Variants in TBX15 observed in about 807,000 individuals in gnomAD.
TBX15 encodes the protein T-box transcription factor TBX15.
A neutral mutation model predicts 53.9 loss-of-function variants in TBX15; 18 were observed. The observed-to-expected ratio is 0.33, with a 90% CI of 0.23 to 0.49. The LOEUF (loss-of-function observed/expected upper bound fraction) is 0.49. Among genes scored for constraint, TBX15 ranks in the 20% least tolerant of loss-of-function variants. TBX15 has a pLI of 0.98. For missense variants in TBX15, 692 were observed against 749.5 expected, an observed-to-expected ratio of 0.92 and a Z score of 0.90; for synonymous variants, 295 against 278.0, an observed-to-expected ratio of 1.06 and a Z score of -0.61.
intron 1 of TBX15, among the ~76,000 whole-genome samples, chr1:118,961,460 C>T (rs1656869956): frequency 6.6e-6 from 1 of 152,088 alleles, no homozygotes; most frequent in African/African-American, 2.4e-5. Context: ...GGAGAAGGAG[C>T]ATTACTCAAA....
intron 2 of TBX15, among the ~76,000 whole-genome samples, chr1:118,930,737 C>A (rs377076082): frequency 6.6e-6 from 1 of 152,172 alleles, no homozygotes; most frequent in East Asian, 1.9e-4. Flanking sequence ...TTATCTAAAT[C>A]GTTTCATTTT....
At chr1:118,902,955 G>A (rs974298107) in intron 6 of TBX15, among the ~76,000 whole-genome samples, 2 of 152,094 alleles carry the variant, frequency 1.3e-5, no homozygotes, top group Admixed American at 6.6e-5. Flanking sequence ...GCAGTCCTAG[G>A]TAATGGTATG....
At chr1:118,931,512 C>T in intron 2 of TBX15, 107 bp downstream of exon 2, 1 of 1,204,542 alleles carries the variant, frequency 8.3e-7, no homozygotes, top group Non-Finnish European at 1.2e-6. Context: ...GTGCAAGCTG[C>T]TTTGGTTTTG....
intron 6 of TBX15, among the ~76,000 whole-genome samples, chr1:118,907,770 AG>A (rs914691657): frequency 5.9e-5 from 9 of 152,280 alleles, no homozygotes; most frequent in East Asian, 3.9e-4. Flanking sequence ...CCAACCTCAA[AG>A]ACATAATTTT....
At chr1:118,970,655 G>A (rs187287853) in intron 1 of TBX15, among the ~76,000 whole-genome samples, 1 of 152,278 alleles carries the variant, frequency 6.6e-6, no homozygotes, top group East Asian at 1.9e-4. Flanking sequence ...AATTTGACAG[G>A]ACCAAAAAGC....
rs751637190 is a variant in TBX15 at position 118,931,665 on chromosome 1, G to A, written c.373C>T (p.Arg125Trp). 4.3e-6 allele frequency: 7 copies of A among 1,613,954 alleles called. No homozygotes were observed. Among genetic ancestry groups the A allele is most frequent in the Admixed American group, 3.3e-5 (2 of 59,996 alleles). Residue 125 changes from arginine to tryptophan, a missense_variant, in exon 2 of 8, where the codon CGG (arginine) becomes TGG (tryptophan). Around this residue, in one of 3 missense-constraint regions of TBX15, gnomAD observed 307 missense variants for 347.5 expected, o/e 0.88. Transcript: ENST00000369429. The part of the protein sequence containing the change: ...VELQCADLWK[R>W]FHDIGTEMII... ...ATTTCAGTTCCAATATCATGGAACC[G>A]CTTCCAGAGGTCAGCACATTGCAGC...
At chr1:118,905,695 G>C (rs1296149451) in intron 6 of TBX15, among the ~76,000 whole-genome samples, 1 of 152,208 alleles carries the variant, frequency 6.6e-6, no homozygotes, top group Admixed American at 6.5e-5. Context: ...CAAAATTTTG[G>C]GGGGCTGGTA....
chr1:118,908,892 T>C (rs1318223512), intron 6 of TBX15, among the ~76,000 whole-genome samples: 3 of 150,148 alleles, frequency 2.0e-5, no homozygotes, highest in Non-Finnish European at 4.4e-5. Context: ...CATATACAGG[T>C]TTACTTACAC....
chr1:118,977,894 A>C (rs1471883015), intron 1 of TBX15, among the ~76,000 whole-genome samples: 2 of 152,238 alleles, frequency 1.3e-5, no homozygotes, highest in African/African-American at 2.4e-5. Flanking sequence ...AGTGCTTTCC[A>C]TCAGACTCAA....
chr1:118,987,751 T>G lies in TBX15; in HGVS notation c.45A>C (p.Ala15=), dbSNP rs1012529449. 5 of 1,550,226 alleles carry G rather than the reference T, an allele frequency of 3.2e-6. No individual in the cohort carries two copies. The highest frequency in any genetic ancestry group is 3.5e-6 in the Non-Finnish European group (4 of 1,146,846). Residue 15 remains alanine, a synonymous_variant, in exon 1 of 8, where the codon GCA becomes GCC. Coordinates refer to ENST00000369429, the MANE Select transcript of TBX15 (RefSeq NM_001330677.2). ...RRSAVALSSR[A]HAFSVEALIG... is the part of the protein sequence containing the mutation. ...TCAAGGCTTCAACGGAGAAGGCATG[T>G]GCTCGCGAGCTCAGGGCGACTGCAG...
rs145938710 is a variant in TBX15, at chr1:118,885,314, G to A, written c.1227C>T (p.Ala409=). The change falls in exon 8 of 8, where the codon GCC becomes GCT. Residue 409 remains alanine, a synonymous_variant. Coordinates refer to ENST00000369429, the MANE Select transcript of TBX15 (RefSeq NM_001330677.2). ...YPPCARSNMA[A]LQSYPGLSDS... is the part of the protein sequence containing the mutation. ...CACTCAGCCCTGGGTAGCTCTGCAA[G>A]GCAGCCATGTTGCTTCGGGCACATG... is the stretch of plus-strand genomic sequence containing the variant. 272 of 1,614,140 alleles carry A rather than the reference G, an allele frequency of 1.7e-4. No homozygotes were observed. In the African/African-American group the frequency reaches 3.2e-3, roughly 19 times the overall value.
chr1:118,884,913 A>G lies in TBX15; in HGVS notation c.1628T>C (p.Leu543Pro). ...GGCCCCGTTGGAAGGAGAAGAACAG[A>G]GTAAAGTGCTTTGAGAGGCGCTCAG... The part of the protein sequence containing the change: ...EKLSASQSTL[L>P]CSSPSNGAFG... The change falls in exon 8 of 8, where the codon CTC becomes CCC. Residue 543 changes from leucine to proline, a missense_variant. Around this residue, in one of 3 missense-constraint regions of TBX15, gnomAD observed 375 missense variants for 371.6 expected, o/e 1.01. Transcript: ENST00000369429. 6.2e-7 allele frequency: 1 copy of G among 1,614,198 alleles called. No individual in the cohort carries two copies. The highest frequency in any genetic ancestry group is 1.1e-5 in the South Asian group (1 of 91,084).
chr1:118,968,028 T>C (rs1657110847), intron 1 of TBX15, among the ~76,000 whole-genome samples: 1 of 152,236 alleles, frequency 6.6e-6, no homozygotes, highest in Non-Finnish European at 1.5e-5. Context: ...TTCTCAGTTA[T>C]GACATTTGTT....
At chr1:118,938,000 G>C (rs1656020648) in intron 1 of TBX15, among the ~76,000 whole-genome samples, 1 of 152,116 alleles carries the variant, frequency 6.6e-6, no homozygotes, top group Admixed American at 6.6e-5. Flanking sequence ...ATTGGTTGTG[G>C]GCTATCAGAT....
rs775654584 is a variant in TBX15, at chr1:118,931,750, G to A, written c.288C>T (p.Ala96=). The A allele has an allele frequency of 6.2e-7, 1 of 1,613,370 alleles. No homozygotes were observed. Among genetic ancestry groups the A allele is most frequent in the Non-Finnish European group, 8.5e-7 (1 of 1,179,710 alleles). ...CAGGCACAGGGCCTGCAGCACCAGA[G>A]GCCAGGTCAGTGTGAGTACTGAAGG... The part of the protein sequence containing the change: ...SCSFSTHTDL[A]SGAAGPVPAA... Residue 96 remains alanine (A), a synonymous_variant, in exon 2 of 8, where the codon GCC becomes GCT. Coordinates refer to ENST00000369429, the MANE Select transcript of TBX15 (RefSeq NM_001330677.2).
intron 7 of TBX15, among the ~76,000 whole-genome samples, chr1:118,893,332 A>AGAAG (rs1229778000): frequency 0.023 from 1,764 of 77,678 alleles, 127 homozygotes; most frequent in African/African-American, 0.03. Flanking sequence ...GAAAGAAGAA[A>AGAAG]GAAGGAAGGA....
chr1:118,970,731 G>T (rs1657210276), intron 1 of TBX15, among the ~76,000 whole-genome samples: 1 of 152,104 alleles, frequency 6.6e-6, no homozygotes, highest in African/African-American at 2.4e-5. Context: ...CATTCTCACA[G>T]AGCTGCCTCA....
At chr1:118,972,517 C>A (rs1190541859) in intron 1 of TBX15, among the ~76,000 whole-genome samples, 1 of 152,128 alleles carries the variant, frequency 6.6e-6, no homozygotes, top group Non-Finnish European at 1.5e-5. Context: ...GTGAATAGGG[C>A]AGCAGTGAAA....
intron 1 of TBX15, among the ~76,000 whole-genome samples, chr1:118,941,357 A>C (rs765289784): frequency 9.2e-5 from 14 of 152,216 alleles, no homozygotes; most frequent in African/African-American, 2.4e-4. Flanking sequence ...TCTAAACATC[A>C]AGTGTAATTT....
Sources: allele counts gnomAD v4.1 joint callset (sites outside exome capture counted in the v4.1 genomes callset), GRCh38; gene constraint gnomAD v4.1.1; regional missense constraint gnomAD v4.1.1; transcripts MANE v1.5; gene names NCBI Gene and HGNC (gene_info 2026-07-23, HGNC 2026-07-21).